PAIP1: variants seen among roughly 807,000 people sequenced by gnomAD.
PAIP1 encodes the protein poly(A) binding protein interacting protein 1.
PAIP1 carries 16 observed loss-of-function variants against 61.3 expected under a neutral mutation model. The ratio of observed to expected loss-of-function variants is 0.26; its 90% confidence interval spans 0.18 to 0.40. PAIP1 has a LOEUF of 0.40. Among genes scored for constraint, PAIP1 ranks in the 10% least tolerant of loss-of-function variants. The probability of loss-of-function intolerance (pLI) is 1.00; values close to 1 mark genes in which losing one functional copy is unlikely to be tolerated. For synonymous variants in PAIP1, 187 were observed against 226.2 expected (o/e 0.83, Z 1.56); for missense variants, 416 against 600.9 (o/e 0.69, Z 3.22).
chr5:43,537,321 C>T (rs944078423), intron 5 of PAIP1, among the ~76,000 whole-genome samples: 2 of 152,058 alleles, frequency 1.3e-5, no homozygotes, highest in African/African-American at 4.8e-5. Flanking sequence ...TATCTTATAT[C>T]ACTGTGTAGA....
At position 43,556,614 on chromosome 5, in the gene PAIP1, G is replaced by C; in HGVS notation, c.233C>G (p.Pro78Arg). 1 of 1,256,300 alleles carries C rather than the reference G, an allele frequency of 8.0e-7. No individual in the cohort carries two copies. The highest frequency in any genetic ancestry group is 1.0e-6 in the Non-Finnish European group (1 of 997,836). 77.8% of individuals were successfully genotyped at this position (1,256,300 alleles called of 1,614,324 possible). Residue 78 changes from proline (P) to arginine (R), a missense_variant, in exon 1 of 11, where the codon CCC becomes CGC. Pro to Arg is a moderately radical substitution (Grantham distance 103, BLOSUM62 -2). Around this residue, in one of 4 missense-constraint regions of PAIP1, gnomAD observed 180 missense variants for 211.2 expected, o/e 0.85. Coordinates refer to ENST00000306846, the MANE Select transcript of PAIP1 (RefSeq NM_006451.5). ...CGCCCCGGGCCGGGAAGGCCGCTGG[G>C]GGCTGGCGGGGACCTCGCACTGGGC... Reference protein sequence around the residue: ...PGAQCEVPASPQRPSRPGALP... With the variant: ...PGAQCEVPASRQRPSRPGALP...
At chr5:43,541,621 A>C (rs1747414889) in intron 4 of PAIP1, among the ~76,000 whole-genome samples, 2 of 148,870 alleles carry the variant, frequency 1.3e-5, no homozygotes, top group South Asian at 4.3e-4. Context: ...TACTTCTAGA[A>C]TCTTTATTCT....
intron 9 of PAIP1, 129 bp from the exon 10 acceptor site, chr5:43,530,008 C>T (rs1447904202): frequency 1.6e-6 from 1 of 608,170 alleles, no homozygotes. Context: ...AAAGTAATTA[C>T]ATATAGTACT....
At chr5:43,538,757 G>A (rs999961163) in intron 5 of PAIP1, among the ~76,000 whole-genome samples, 167 bp downstream of exon 5, 9 of 152,054 alleles carry the variant, frequency 5.9e-5, no homozygotes, top group Non-Finnish European at 1.2e-4. Flanking sequence ...ATGGACAGAC[G>A]GTCCAGTAAA....
intron 9 of PAIP1, 113 bp from the exon 10 acceptor site, chr5:43,529,992 A>T (rs144942123): frequency 9.2e-5 from 59 of 640,568 alleles, no homozygotes; most frequent in Non-Finnish European, 1.6e-4. Context: ...CATGCTCAGA[A>T]ATCTTAAAGT....
intron 3 of PAIP1, among the ~76,000 whole-genome samples, chr5:43,545,845 C>T (rs967445545): frequency 2.0e-5 from 3 of 151,944 alleles, no homozygotes; most frequent in Non-Finnish European, 2.9e-5. Context: ...TCTCGGCTCA[C>T]TGCAACCTCC....
chr5:43,551,731 C>T (rs1232339186), intron 2 of PAIP1, among the ~76,000 whole-genome samples: 2 of 142,748 alleles, frequency 1.4e-5, no homozygotes, highest in African/African-American at 2.7e-5. Context: ...CTGCTTAGAG[C>T]GCTGATTTGC....
At chr5:43,535,025 C>T (rs1409401050) in intron 7 of PAIP1, 55 bp from the exon 8 acceptor site, 3 of 907,546 alleles carry the variant, frequency 3.3e-6, no homozygotes, top group African/African-American at 1.7e-5. Context: ...CTGTCAGACC[C>T]TAAAATATCT....
chr5:43,529,007 C>G (rs534045270), intron 10 of PAIP1, among the ~76,000 whole-genome samples: 14 of 151,782 alleles, frequency 9.2e-5, no homozygotes, highest in African/African-American at 3.1e-4. Context: ...CTTATCAGTT[C>G]AAACATTTTT....
intron 4 of PAIP1, among the ~76,000 whole-genome samples, 195 bp from the exon 5 acceptor site, chr5:43,539,230 C>T (rs1479041435): frequency 1.3e-5 from 2 of 151,506 alleles, no homozygotes; most frequent in African/African-American, 2.4e-5. Flanking sequence ...CTAAGTCTCC[C>T]AGTTTGAAAA....
intron 6 of PAIP1, among the ~76,000 whole-genome samples, chr5:43,536,525 A>C (rs1215618089): frequency 2.6e-5 from 4 of 152,210 alleles, no homozygotes; most frequent in Non-Finnish European, 1.5e-5. Context: ...ACAAAAAGCC[A>C]GAACAGAGTA....
intron 5 of PAIP1, among the ~76,000 whole-genome samples, chr5:43,537,575 T>C (rs539754417): frequency 6.6e-6 from 1 of 152,320 alleles, no homozygotes; most frequent in South Asian, 2.1e-4. Context: ...ATACAATGAC[T>C]GAGATGCACA....
intron 10 of PAIP1, among the ~76,000 whole-genome samples, chr5:43,528,121 T>G (rs1746780186): frequency 6.6e-6 from 1 of 152,210 alleles, no homozygotes; most frequent in Non-Finnish European, 1.5e-5. Context: ...AAGGATTTAA[T>G]CTACACATTC....
chr5:43,533,511 G>A (rs1747025823), intron 9 of PAIP1, among the ~76,000 whole-genome samples: 2 of 152,176 alleles, frequency 1.3e-5, no homozygotes, highest in Non-Finnish European at 2.9e-5. Context: ...CCCATCCTCT[G>A]TTGTTAAGTG....
chr5:43,543,391 C>T (rs936872534), intron 3 of PAIP1, among the ~76,000 whole-genome samples: 6 of 151,398 alleles, frequency 4.0e-5, no homozygotes, highest in African/African-American at 1.5e-4. Flanking sequence ...CTGATGCTAA[C>T]CCATTTTTTG....
chr5:43,530,505 T>C (rs1746891916), intron 9 of PAIP1, among the ~76,000 whole-genome samples: 1 of 152,214 alleles, frequency 6.6e-6, no homozygotes, highest in Admixed American at 6.5e-5. Flanking sequence ...AATCAGTATA[T>C]ATTAAGACTA....
chr5:43,528,087 C>A (rs1045570978), intron 10 of PAIP1, among the ~76,000 whole-genome samples: 1 of 151,990 alleles, frequency 6.6e-6, no homozygotes, highest in Non-Finnish European at 1.5e-5. Context: ...TTAAGTATGG[C>A]GGGAAAGATT....
At chr5:43,545,925 A>T (rs1315318189) in intron 3 of PAIP1, among the ~76,000 whole-genome samples, 1 of 151,776 alleles carries the variant, frequency 6.6e-6, no homozygotes, top group African/African-American at 2.4e-5. Context: ...ATGCACCACC[A>T]AGCCCAGCTA....
chr5:43,549,226 G>A (rs569683473), intron 2 of PAIP1, among the ~76,000 whole-genome samples: 23 of 152,192 alleles, frequency 1.5e-4, no homozygotes, highest in African/African-American at 4.1e-4. Flanking sequence ...AGGCCACTGC[G>A]CCTGGCCCAG....
Sources: allele counts gnomAD v4.1 joint callset (sites outside exome capture counted in the v4.1 genomes callset), GRCh38; gene constraint gnomAD v4.1.1; regional missense constraint gnomAD v4.1.1; transcripts MANE v1.5; gene names NCBI Gene and HGNC (gene_info 2026-07-23, HGNC 2026-07-21).